The following PPEF1 variants were observed in gnomAD, a reference collection of about 807,000 sequenced individuals.
PPEF1 encodes the protein serine/threonine-protein phosphatase with EF-hands 1.
Under a neutral mutation model 53.3 loss-of-function variants are expected in PPEF1, and 12 were observed. The ratio of observed to expected loss-of-function variants is 0.23; its 90% CI spans 0.14 to 0.36. PPEF1 has a LOEUF of 0.36. Among genes scored for constraint, PPEF1 ranks in the 10% least tolerant of loss-of-function variants. The pLI is 1.00. For synonymous variants in PPEF1, 165 were observed against 176.7 expected (o/e 0.93, Z 0.52); for missense variants, 334 against 490.4 (o/e 0.68, Z 3.01).
chrX:18,753,315 T>C (rs5909227), intron 4 of PPEF1, among the ~76,000 whole-genome samples: 51,424 of 110,562 alleles, frequency 0.47, 9,216 homozygotes, highest in Non-Finnish European at 0.57. Flanking sequence ...CATAACCCTT[T>C]TTTATTTCTT....
chrX:18,802,210 C>T (rs772601020), intron 10 of PPEF1, among the ~76,000 whole-genome samples: 2 of 109,445 alleles, frequency 1.8e-5, no homozygotes, highest in African/African-American at 3.3e-5. Flanking sequence ...GAACACATTC[C>T]GGCACCACCA....
chrX:18,723,174 G>T (rs374271884), intron 1 of PPEF1, among the ~76,000 whole-genome samples: 1 of 110,674 alleles, frequency 9.0e-6, no homozygotes, highest in Non-Finnish European at 1.9e-5. Flanking sequence ...TAGTAGAGAC[G>T]AGGTTTTGCC....
intron 1 of PPEF1, among the ~76,000 whole-genome samples, chrX:18,720,044 A>G (rs761011129): frequency 3.6e-5 from 4 of 111,811 alleles, no homozygotes; most frequent in Non-Finnish European, 7.5e-5. Flanking sequence ...TGCACTGAGA[A>G]AGACATACCA....
chrX:18,719,427 G>A lies in PPEF1; in HGVS notation c.47-10754G>A, dbSNP rs1186796599. ...AGTGGCGCCATCAAGGCTCACTGCA[G>A]CCTCAACCTCCTGGGCTCAAGTGAT... On this transcript the variant is annotated intron_variant, in intron 1 of 15. Coordinates refer to ENST00000470157, the MANE Select transcript of PPEF1 (RefSeq NM_001377996.1). Among the ~76,000 whole-genome samples the A allele has an allele frequency of 4.7e-5, 5 of 107,043 alleles. No homozygotes were observed. In the East Asian group the frequency reaches 1.5e-3, roughly 32 times the overall value. 93.0% of individuals were successfully genotyped at this position (107,043 alleles called of 115,157 possible).
chrX:18,722,205 A>G (rs12007183), intron 1 of PPEF1, among the ~76,000 whole-genome samples: 3,961 of 112,531 alleles, frequency 0.035, 175 homozygotes, highest in African/African-American at 0.12. Flanking sequence ...GAGTTCAGCC[A>G]TATCCTCTTC....
At chrX:18,751,618 A>C (rs930243608) in intron 4 of PPEF1, among the ~76,000 whole-genome samples, 1 of 111,408 alleles carries the variant, frequency 9.0e-6, no homozygotes, top group African/African-American at 3.3e-5. Flanking sequence ...TGTCTCTACT[A>C]AAAATACAAA....
intron 12 of PPEF1, among the ~76,000 whole-genome samples, chrX:18,815,407 C>T (rs2046885482): frequency 8.9e-6 from 1 of 112,076 alleles, no homozygotes; most frequent in South Asian, 3.6e-4. Flanking sequence ...GAGTGATTGG[C>T]ATTAATTCTT....
intron 12 of PPEF1, among the ~76,000 whole-genome samples, chrX:18,809,416 A>G (rs971694384): frequency 7.2e-5 from 8 of 110,708 alleles, no homozygotes; most frequent in Non-Finnish European, 1.5e-4. Context: ...TTTAAAAAAA[A>G]TAAATTTGGC....
exon 1 of PPEF1, chrX:18,676,049 TTGA>T (rs1174967284): frequency 9.4e-6 from 1 of 106,254 alleles, no homozygotes; most frequent in Non-Finnish European, 1.9e-5. Context: ...GGTCGGTAGG[TTGA>T]TAAGTGATAC....
chrX:18,822,403 G>A (rs759737325), intron 13 of PPEF1, among the ~76,000 whole-genome samples: 1 of 109,794 alleles, frequency 9.1e-6, no homozygotes, highest in South Asian at 3.9e-4. Context: ...TAAATTGATA[G>A]CTGGGGTAGC....
At chrX:18,708,558 C>T (rs2044253566) in intron 1 of PPEF1, among the ~76,000 whole-genome samples, 1 of 112,195 alleles carries the variant, frequency 8.9e-6, no homozygotes, top group East Asian at 2.8e-4. Flanking sequence ...TGCTCTTAAA[C>T]TCCACTTCTT....
chrX:18,822,481 G>A (rs1602493626), intron 13 of PPEF1, among the ~76,000 whole-genome samples: 1 of 110,724 alleles, frequency 9.0e-6, no homozygotes, highest in African/African-American at 3.3e-5. Context: ...CAAGTACTGT[G>A]GGAGAAACCT....
At chrX:18,682,794 G>A (rs1928928404), upstream of PPEF1, among the ~76,000 whole-genome samples, 1 of 111,493 alleles carries the variant, frequency 9.0e-6, no homozygotes, top group Non-Finnish European at 1.9e-5. Flanking sequence ...CCAGTAAGTG[G>A]GGATGAGGCT....
chrX:18,824,427 G>A (rs1179252490), intron 14 of PPEF1, among the ~76,000 whole-genome samples: 1 of 110,250 alleles, frequency 9.1e-6, no homozygotes, highest in African/African-American at 3.3e-5. Flanking sequence ...GTGACAGAGC[G>A]AGACTCCATC....
intron 1 of PPEF1, among the ~76,000 whole-genome samples, chrX:18,716,768 T>G (rs1349960075): frequency 9.0e-6 from 1 of 111,003 alleles, no homozygotes; most frequent in African/African-American, 3.3e-5. Context: ...CTTGCTATTG[T>G]TTGTCAGAGG....
intron 6 of PPEF1, among the ~76,000 whole-genome samples, chrX:18,770,747 C>T (rs989761951): frequency 6.3e-5 from 7 of 111,859 alleles, no homozygotes; most frequent in Non-Finnish European, 1.3e-4. Flanking sequence ...TGGTTTAATT[C>T]GAGATAAGAA....
chrX:18,733,875 A>G lies in PPEF1; in HGVS notation c.235+67A>G, dbSNP rs1027837872. On this transcript the variant is annotated intron_variant, in intron 3 of 15. Coordinates refer to ENST00000470157, the MANE Select transcript of PPEF1 (RefSeq NM_001377996.1). ...TTGAATTGTCTTCATCAAGAGCGGT[A>G]AATTCTGAAGATGGGAGAACACTAT... The G allele has an allele frequency of 4.4e-6, 4 of 910,106 alleles. No homozygotes were observed. In the African/African-American group the frequency reaches 8.2e-5, roughly 19 times the overall value. 75.0% of individuals were successfully genotyped at this position (910,106 alleles called of 1,213,427 possible).
chrX:18,733,246 G>A (rs1010087812), intron 2 of PPEF1, among the ~76,000 whole-genome samples: 2 of 111,501 alleles, frequency 1.8e-5, no homozygotes, highest in African/African-American at 6.5e-5. Context: ...ACAAAATTTG[G>A]TAGCTGTCTT....
At chrX:18,740,233 G>A (rs2045115964) in intron 3 of PPEF1, among the ~76,000 whole-genome samples, 1 of 112,324 alleles carries the variant, frequency 8.9e-6, no homozygotes, top group African/African-American at 3.2e-5. Flanking sequence ...GCTGTAGACT[G>A]GAGCTGTTCC....
Sources: allele counts gnomAD v4.1 joint callset (sites outside exome capture counted in the v4.1 genomes callset), GRCh38; gene constraint gnomAD v4.1.1; transcripts MANE v1.5; gene names NCBI Gene and HGNC (gene_info 2026-07-23, HGNC 2026-07-21).